The following ARC variants were observed in gnomAD, a reference collection of about 807,000 sequenced individuals.
ARC encodes the protein activity-regulated cytoskeleton-associated protein.
Under a neutral mutation model 20.0 loss-of-function variants are expected in ARC, and 10 were observed. The ratio of observed to expected loss-of-function variants is 0.50; its 90% CI spans 0.31 to 0.85. The LOEUF (loss-of-function observed/expected upper bound fraction) is 0.85, where lower values mean the gene tolerates loss of function less well. Ranked by LOEUF, ARC falls within the 40% of genes least tolerant of loss-of-function variation. The probability of loss-of-function intolerance (pLI) is 0.05; values close to 1 mark genes in which losing one functional copy is unlikely to be tolerated. For synonymous variants in ARC, 269 were observed against 254.1 expected, an observed-to-expected ratio of 1.06 and a Z score of -0.56; for missense variants, 454 against 555.5, an observed-to-expected ratio of 0.82 and a Z score of 1.84.
Position 142,613,965 on chromosome 8 carries a change from C to T in ARC, c.307G>A (p.Ala103Thr), listed in dbSNP as rs771620864. ...ACLCRCQETI[A>T]NLERWVKREM... Reference sequence around the variant, plus strand: ...CGCTTGACCCAGCGCTCCAGGTTGGCGATGGTCTCCTGGCAGCGGCACAGG... The same window carrying T: ...CGCTTGACCCAGCGCTCCAGGTTGGTGATGGTCTCCTGGCAGCGGCACAGG... The change falls in exon 1 of 3, where the codon GCC (alanine) becomes ACC (threonine). Residue 103 changes from alanine to threonine, a missense_variant. Ala to Thr is a moderately conservative substitution (Grantham distance 58). Transcript: ENST00000356613. 1 of 1,608,442 alleles carries T rather than the reference C, an allele frequency of 6.2e-7. No individual in the cohort carries two copies.
At position 142,613,414 on chromosome 8, in the gene ARC, G is replaced by A. The variant is rs28686812; in HGVS notation, c.858C>T (p.Arg286=). The change falls in exon 1 of 3, where the codon CGC becomes CGT. Residue 286 remains arginine (R), a synonymous_variant. Coordinates refer to ENST00000356613, the MANE Select transcript of ARC (RefSeq NM_015193.5). ...CCTGCTTCTGCGGCAGGTCCAGCTC[G>A]CGCTGGATGGCCTCTCGGGACAGCG... ...EGTLSREAIQ[R]ELDLPQKQGE... The A allele has an allele frequency of 6.2e-6, 10 of 1,611,048 alleles. No individual in the cohort carries two copies. The highest frequency in any genetic ancestry group is 1.7e-5 in the Admixed American group (1 of 59,966).
Position 142,614,436 on chromosome 8 carries a change from C to T in ARC, c.-165G>A. The T allele has an allele frequency of 1.9e-6, 1 of 519,352 alleles. No individual in the cohort carries two copies. 32.2% of individuals were successfully genotyped at this position (519,352 alleles called of 1,614,324 possible). On this transcript the variant is annotated 5_prime_UTR_variant, in exon 1 of 3. Transcript: ENST00000356613. ...CGGAGCACGCCCGGGGAGGCAGGTC[C>T]GGCTCGGCTGCTGCGGAGGGAGGAC...
chr8:142,613,891 G>A lies in ARC; in HGVS notation c.381C>T (p.Ala127=), dbSNP rs374678103. 3 of 1,579,680 alleles carry A rather than the reference G, an allele frequency of 1.9e-6. No homozygotes were observed. Among genetic ancestry groups the A allele is most frequent in the African/African-American group, 2.7e-5 (2 of 74,262 alleles). ...REVFYRLERW[A]DRLESTGGKY... ...TGCCGCCCGTGGACTCCAGGCGGTC[G>A]GCCCAGCGCTCCAGGCGGTAGAACA... Residue 127 remains alanine, a synonymous_variant, in exon 1 of 3, where the codon GCC becomes GCT. Coordinates refer to ENST00000356613, the MANE Select transcript of ARC (RefSeq NM_015193.5).
In ARC at chr8:142,613,188, C is replaced by T; in HGVS notation, c.1084G>A (p.Ala362Thr). Residue 362 changes from alanine (A) to threonine (T), a missense_variant, in exon 1 of 3, where the codon GCG becomes ACG. Transcript: ENST00000356613. ...GMEVQDDLEQ[A>T]AEPAGPHLPV... ...AGGTGGGGGCCGGCCGGCTCGGCCG[C>T]CTGCTCCAGGTCATCCTGCACCTCC... The T allele has an allele frequency of 1.2e-6, 2 of 1,611,074 alleles. No individual in the cohort carries two copies. Among genetic ancestry groups the T allele is most frequent in the Non-Finnish European group, 1.7e-6 (2 of 1,179,106 alleles).
rs148642757 is a variant in ARC, at chr8:142,613,399, C to T, written c.873G>A (p.Pro291=). Residue 291 remains proline (P), a synonymous_variant, in exon 1 of 3, where the codon CCG becomes CCA. Transcript: ENST00000356613. ...GGTCCAGCGGCTCGCCCTGCTTCTG[C>T]GGCAGGTCCAGCTCGCGCTGGATGG... ...REAIQRELDL[P]QKQGEPLDQF... 2,210 of 1,611,956 alleles carry T rather than the reference C, an allele frequency of 1.4e-3. 4 individuals are homozygous for T. The highest frequency in any genetic ancestry group is 1.7e-3 in the Non-Finnish European group (1,982 of 1,179,728).
chr8:142,614,286 T>C lies in ARC; in HGVS notation c.-15A>G, dbSNP rs1226384393. On this transcript the variant is annotated 5_prime_UTR_variant, in exon 1 of 3. Transcript: ENST00000356613. ...TCCAGCTCCATCTGTGCGCAGGTGC[T>C]CCGGCAGGCGGCAAACTCCTCGGGG... 7.2e-7 allele frequency: 1 copy of C among 1,396,478 alleles called. No individual in the cohort carries two copies. The highest frequency in any genetic ancestry group is 9.3e-7 in the Non-Finnish European group (1 of 1,080,132). 86.5% of individuals were successfully genotyped at this position (1,396,478 alleles called of 1,614,324 possible).
rs1361680452 is a variant in ARC, at chr8:142,613,530, C to G, written c.742G>C (p.Gly248Arg). The change falls in exon 1 of 3, where the codon GGG becomes CGG. Residue 248 changes from glycine (G) to arginine (R), a missense_variant. Physicochemically the swap from Gly to Arg is moderately radical, Grantham distance 125. Around this residue, in one of 3 missense-constraint regions of ARC, gnomAD observed 117 missense variants for 194.4 expected, o/e 0.60. Coordinates refer to ENST00000356613, the MANE Select transcript of ARC (RefSeq NM_015193.5). Reference protein sequence around the residue: ...WLSQIQNHMNGPAKKWWEFKQ... With the variant: ...WLSQIQNHMNRPAKKWWEFKQ... ...AACTCCCACCACTTCTTGGCCGGCC[C>G]GTTCATGTGATTCTGGATCTGGGAC... 6.2e-7 allele frequency: 1 copy of G among 1,612,316 alleles called. No individual in the cohort carries two copies. Among genetic ancestry groups the G allele is most frequent in the South Asian group, 1.1e-5 (1 of 91,056 alleles).
At position 142,614,076 on chromosome 8, in the gene ARC, G is replaced by A. The variant is rs757517795; in HGVS notation, c.196C>T (p.Arg66Trp). ...QVERELKGLH[R>W]SVGKLESNLD... The stretch of plus-strand genomic sequence containing the variant: ...TTGCTCTCCAGCTTCCCGACCGACC[G>A]GTGCAGCCCCTTCAGCTCGCGCTCC... Residue 66 changes from arginine to tryptophan, a missense_variant, in exon 1 of 3, where the codon CGG becomes TGG. Physicochemically the swap from Arg to Trp is moderately radical, Grantham distance 101. Around this residue, in one of 3 missense-constraint regions of ARC, gnomAD observed 265 missense variants for 301.7 expected, o/e 0.88. Coordinates refer to ENST00000356613, the MANE Select transcript of ARC (RefSeq NM_015193.5). 8.2e-6 allele frequency: 13 copies of A among 1,592,764 alleles called. No homozygotes were observed. The highest frequency in any genetic ancestry group is 6.7e-5 in the South Asian group (6 of 90,132).
In ARC at chr8:142,611,838, CTT is replaced by C. The variant is rs2132354805; in HGVS notation, c.*760_*761del. On this transcript the variant is annotated 3_prime_UTR_variant, in exon 3 of 3. Coordinates refer to ENST00000356613, the MANE Select transcript of ARC (RefSeq NM_015193.5). The stretch of plus-strand genomic sequence containing the variant: ...GTGGTGCCCAGCACAGCAGCAAAGA[CTT>C]TGTGGGAACCTTGAGACCTGAAAGA... The C allele has an allele frequency of 6.5e-6, 1 of 152,796 alleles. No homozygotes were observed. The highest frequency in any genetic ancestry group is 1.5e-5 in the Non-Finnish European group (1 of 68,344). 9.5% of individuals were successfully genotyped at this position (152,796 alleles called of 1,614,324 possible).
Position 142,614,212 on chromosome 8 carries a change from C to G in ARC, c.60G>C (p.Gly20=), listed in dbSNP as rs1373751480. The change falls in exon 1 of 3, where the codon GGG becomes GGC. Residue 20 remains glycine, a synonymous_variant. Transcript: ENST00000356613. ...GLHAYPGPRG[G]QVAKPNVILQ... ...GGATCACGTTGGGCTTGGCCACCTGCCCGCCCCGCGGCCCGGGGTAGGCGT... is the reference window on the plus strand; with the variant it reads ...GGATCACGTTGGGCTTGGCCACCTGGCCGCCCCGCGGCCCGGGGTAGGCGT... 5 of 1,512,468 alleles carry G rather than the reference C, an allele frequency of 3.3e-6. No homozygotes were observed. Among genetic ancestry groups the G allele is most frequent in the African/African-American group, 2.8e-5 (2 of 72,446 alleles). 93.7% of individuals were successfully genotyped at this position (1,512,468 alleles called of 1,614,324 possible).
At position 142,613,721 on chromosome 8, in the gene ARC, G is replaced by A; in HGVS notation, c.551C>T (p.Pro184Leu). The change falls in exon 1 of 3, where the codon CCC becomes CTC. Residue 184 changes from proline to leucine, a missense_variant. This residue lies in a region of ARC where 265 missense variants were observed against 301.7 expected (regional missense o/e 0.88). Coordinates refer to ENST00000356613, the MANE Select transcript of ARC (RefSeq NM_015193.5). ...ITPPPAAGEL[P>L]GQEPAEAQQY... ...CTGGGCCTCGGCGGGCTCCTGCCCG[G>A]GCAGCTCGCCAGCGGCTGGGGGCGG... The A allele has an allele frequency of 1.3e-6, 2 of 1,556,692 alleles. No individual in the cohort carries two copies. The highest frequency in any genetic ancestry group is 1.1e-5 in the South Asian group (1 of 87,224).
At position 142,614,273 on chromosome 8, in the gene ARC, T is replaced by C; in HGVS notation, c.-2A>G. On this transcript the variant is annotated 5_prime_UTR_variant, in exon 1 of 3. Transcript: ENST00000356613. ...GCTGGTCCGGTGGTCCAGCTCCATC[T>C]GTGCGCAGGTGCTCCGGCAGGCGGC... 7.0e-7 allele frequency: 1 copy of C among 1,424,614 alleles called. No homozygotes were observed. The highest frequency in any genetic ancestry group is 9.1e-7 in the Non-Finnish European group (1 of 1,095,298). The allele number at this position is 1,424,614 out of a possible 1,614,324, so 88.2% of individuals were successfully genotyped here. A position where few individuals can be genotyped will look rare whatever the true frequency, so the allele number is the denominator to read the frequency against.
chr8:142,614,389 T>C lies in ARC; in HGVS notation c.-118A>G. The stretch of plus-strand genomic sequence containing the variant: ...GCTGCGGGGAGCGCCTGTCTGTCGC[T>C]GCGGGCCGGCGGCGGGGCCGGCGGA... On this transcript the variant is annotated 5_prime_UTR_variant, in exon 1 of 3. Transcript: ENST00000356613. 2.1e-6 allele frequency: 2 copies of C among 947,776 alleles called. No individual in the cohort carries two copies. Among genetic ancestry groups the C allele is most frequent in the Non-Finnish European group, 2.7e-6 (2 of 728,552 alleles). The allele number at this position is 947,776 out of a possible 1,614,324, so 58.7% of individuals were successfully genotyped here. A position where few individuals can be genotyped will look rare whatever the true frequency, so the allele number is the denominator to read the frequency against.
Position 142,613,320 on chromosome 8 carries a change from C to T in ARC, c.952G>A (p.Glu318Lys), listed in dbSNP as rs887722830. 1 of 1,613,642 alleles carries T rather than the reference C, an allele frequency of 6.2e-7. No individual in the cohort carries two copies. Among genetic ancestry groups the T allele is most frequent in the African/African-American group, 1.3e-5 (1 of 75,068 alleles). ...ACCACGTACTGGATGATCTCCTCCT[C>T]GTCCGCGTCCACGTAGAGCGTCTGG... ...LYQTLYVDAD[E>K]EEIIQYVVGT... Residue 318 changes from glutamate (E) to lysine (K), a missense_variant, in exon 1 of 3, where the codon GAG becomes AAG. Physicochemically the swap from Glu to Lys is moderately conservative, Grantham distance 56. This residue lies in a region of ARC where 117 missense variants were observed against 194.4 expected (regional missense o/e 0.60). Coordinates refer to ENST00000356613, the MANE Select transcript of ARC (RefSeq NM_015193.5).
intron 1 of ARC, 27 bp from the exon 2 acceptor site, chr8:142,612,279 G>A (rs1846260522): frequency 6.6e-6 from 1 of 152,490 alleles, no homozygotes; most frequent in Non-Finnish European, 1.5e-5. Flanking sequence ...GCGGGTCCAT[G>A]TGAGAGCTGG....
Position 142,613,492 on chromosome 8 carries a change from G to C in ARC, c.780C>G (p.Ser260=). 1.9e-6 allele frequency: 3 copies of C among 1,613,124 alleles called. No homozygotes were observed. Among genetic ancestry groups the C allele is most frequent in the South Asian group, 1.1e-5 (1 of 91,084 alleles). ...TCTTGAACTCCACCCAGTTCTTCAC[G>C]GAGCCCTGCTTGAACTCCCACCACT... ...AKKWWEFKQG[S]VKNWVEFKKE... The change falls in exon 1 of 3, where the codon TCC becomes TCG. Residue 260 remains serine (S), a synonymous_variant. Transcript: ENST00000356613.
Position 142,613,802 on chromosome 8 carries a change from C to G in ARC, c.470G>C (p.Ser157Thr). 1.9e-6 allele frequency: 3 copies of G among 1,555,200 alleles called. No homozygotes were observed. The highest frequency in any genetic ancestry group is 2.6e-6 in the Non-Finnish European group (3 of 1,157,380). ...TVSVGVGGPE[S>T]YCHEADGYDY... Reference sequence around the variant, plus strand: ...GTAGCCGTCTGCCTCGTGGCAGTAGCTCTCGGGACCCCCCACGCCCACGGA... The same window carrying G: ...GTAGCCGTCTGCCTCGTGGCAGTAGGTCTCGGGACCCCCCACGCCCACGGA... Residue 157 changes from serine to threonine, a missense_variant, in exon 1 of 3, where the codon AGC becomes ACC. Physicochemically the swap from Ser to Thr is moderately conservative, Grantham distance 58. Around this residue, in one of 3 missense-constraint regions of ARC, gnomAD observed 265 missense variants for 301.7 expected, o/e 0.88. Transcript: ENST00000356613.
intron 2 of ARC, 82 bp downstream of exon 2, chr8:142,612,026 G>C (rs1424797325): frequency 6.5e-6 from 1 of 152,928 alleles, no homozygotes; most frequent in Non-Finnish European, 1.5e-5. Context: ...CTGGGCCGCA[G>C]GGTGTCTGGG....
At position 142,613,501 on chromosome 8, in the gene ARC, C is replaced by A; in HGVS notation, c.771G>T (p.Lys257Asn). 4 of 1,613,144 alleles carry A rather than the reference C, an allele frequency of 2.5e-6. No individual in the cohort carries two copies. Among genetic ancestry groups the A allele is most frequent in the Non-Finnish European group, 3.4e-6 (4 of 1,179,838 alleles). Reference sequence around the variant, plus strand: ...CCACCCAGTTCTTCACGGAGCCCTGCTTGAACTCCCACCACTTCTTGGCCG... The same window carrying A: ...CCACCCAGTTCTTCACGGAGCCCTGATTGAACTCCCACCACTTCTTGGCCG... ...NGPAKKWWEF[K>N]QGSVKNWVEF... is the part of the protein sequence containing the mutation. The change falls in exon 1 of 3, where the codon AAG becomes AAT. Residue 257 changes from lysine (K) to asparagine (N), a missense_variant. By Grantham distance (94) the Lys-to-Asn change is moderately conservative (BLOSUM62 0). This residue lies in a region of ARC where 117 missense variants were observed against 194.4 expected (regional missense o/e 0.60). Transcript: ENST00000356613.
Sources: gnomAD v4.1 joint callset for allele counts on GRCh38, gnomAD v4.1.1 for gene constraint, gnomAD v4.1.1 regional missense constraint, MANE v1.5 for transcripts, NCBI Gene and HGNC (gene_info 2026-07-23, HGNC 2026-07-21) for gene names.